KDM4C: variants seen among roughly 807,000 people sequenced by gnomAD.
KDM4C encodes lysine demethylase 4C, also known as lysine-specific demethylase 4C.
KDM4C carries 81 observed loss-of-function variants against 129.3 expected under a neutral mutation model. The observed-to-expected ratio is 0.63, with a 90% confidence interval of 0.52 to 0.75. The LOEUF is 0.75. Ranked by LOEUF, KDM4C falls within the 30% of genes least tolerant of loss-of-function variation. KDM4C has a pLI of 0.00. For synonymous variants in KDM4C, 573 were observed against 456.1 expected, an observed-to-expected ratio of 1.26 and a Z score of -3.26; for missense variants, 1,457 against 1,304.0, an observed-to-expected ratio of 1.12 and a Z score of -1.81.
chr9:7,122,239 C>CCA (rs147638679), intron 18 of KDM4C, among the ~76,000 whole-genome samples: 1,839 of 144,232 alleles, frequency 0.013, 12 homozygotes, highest in African/African-American at 0.015. Flanking sequence ...GTGGGAGATG[C>CCA]CACACACACA....
intron 19 of KDM4C, among the ~76,000 whole-genome samples, chr9:7,149,443 G>A (rs1226792332): frequency 1.3e-5 from 2 of 152,344 alleles, no homozygotes; most frequent in South Asian, 2.1e-4. Flanking sequence ...CTGGGCAGCT[G>A]CAGCTGCACC....
At chr9:6,892,950 TAATG>T (rs1846313584) in intron 7 of KDM4C, 141 bp from the exon 8 acceptor site, 1 of 508,330 alleles carries the variant, frequency 2.0e-6, no homozygotes, top group African/African-American at 2.0e-5. Flanking sequence ...AAGGATTAAG[TAATG>T]AATCTGGTGG....
chr9:7,130,268 G>A (rs1840472722), intron 19 of KDM4C, among the ~76,000 whole-genome samples: 1 of 152,168 alleles, frequency 6.6e-6, no homozygotes, highest in Non-Finnish European at 1.5e-5. Flanking sequence ...AAAACAGTGA[G>A]GTCTTTAGCC....
At chr9:6,850,623 G>A (rs938110321) in intron 5 of KDM4C, among the ~76,000 whole-genome samples, 5 of 151,988 alleles carry the variant, frequency 3.3e-5, no homozygotes, top group Non-Finnish European at 7.4e-5. Context: ...GTAGAGACAG[G>A]GTTTCACCAT....
chr9:7,006,578 G>C (rs948010926), intron 12 of KDM4C, among the ~76,000 whole-genome samples: 3 of 152,104 alleles, frequency 2.0e-5, no homozygotes, highest in Non-Finnish European at 2.9e-5. Flanking sequence ...AGGGTTGTAA[G>C]CAGGCTGTGA....
intron 12 of KDM4C, 34 bp downstream of exon 12, chr9:6,990,558 T>A (rs765427310): frequency 1.4e-6 from 2 of 1,455,478 alleles, no homozygotes; most frequent in Non-Finnish European, 1.9e-6. Flanking sequence ...ATTTTTTTTT[T>A]TTTTTTTGGT....
intron 8 of KDM4C, among the ~76,000 whole-genome samples, chr9:6,953,363 A>G (rs910597695): frequency 1.3e-5 from 2 of 152,196 alleles, no homozygotes; most frequent in African/African-American, 4.8e-5. Context: ...ATTTAAACAT[A>G]ATTTATTCTG....
intron 1 of KDM4C, among the ~76,000 whole-genome samples, chr9:6,732,919 A>T (rs991835427): frequency 1.3e-5 from 2 of 152,212 alleles, no homozygotes; most frequent in Non-Finnish European, 2.9e-5. Flanking sequence ...AGGCTGAGGC[A>T]GGAGAATAGC....
chr9:7,112,302 T>C (rs1227432995), intron 18 of KDM4C, among the ~76,000 whole-genome samples: 1 of 152,058 alleles, frequency 6.6e-6, no homozygotes, highest in Non-Finnish European at 1.5e-5. Flanking sequence ...GAGGTTTATG[T>C]GTGGGGCAGT....
At chr9:7,145,541 C>T (rs1842144133) in intron 19 of KDM4C, among the ~76,000 whole-genome samples, 1 of 152,224 alleles carries the variant, frequency 6.6e-6, no homozygotes, top group South Asian at 2.1e-4. Flanking sequence ...CACAGCCAGA[C>T]ATCTCCTCTG....
intron 1 of KDM4C, among the ~76,000 whole-genome samples, chr9:6,777,500 A>G (rs1440899389): frequency 6.6e-6 from 1 of 152,182 alleles, no homozygotes; most frequent in East Asian, 1.9e-4. Context: ...GCCTCATTTT[A>G]TCTTTTCTGT....
At chr9:7,051,791 T>G (rs1749785593) in intron 17 of KDM4C, among the ~76,000 whole-genome samples, 1 of 152,196 alleles carries the variant, frequency 6.6e-6, no homozygotes, top group Admixed American at 6.5e-5. Context: ...CATAATCAAT[T>G]TATTTCACCA....
chr9:6,835,339 A>C (rs1435744746), intron 4 of KDM4C: 8 of 985,958 alleles, frequency 8.1e-6, no homozygotes, highest in Non-Finnish European at 1.3e-5. Context: ...TTACGCCAAC[A>C]CATTGCTGTC....
chr9:6,725,281 C>A (rs775883244), intron 1 of KDM4C, among the ~76,000 whole-genome samples: 1 of 151,384 alleles, frequency 6.6e-6, no homozygotes, highest in African/African-American at 2.4e-5. Context: ...TAACTTGCAG[C>A]AACTGAGGGT....
intron 17 of KDM4C, among the ~76,000 whole-genome samples, chr9:7,059,845 TGTTA>T (rs1279845970): frequency 1.3e-5 from 2 of 152,166 alleles, no homozygotes; most frequent in Non-Finnish European, 2.9e-5. Context: ...GTAATGGGTT[TGTTA>T]TTTTTAAATG....
chr9:6,738,982 G>C (rs957207555), intron 1 of KDM4C, among the ~76,000 whole-genome samples: 1 of 151,652 alleles, frequency 6.6e-6, no homozygotes, highest in African/African-American at 2.4e-5. Flanking sequence ...TCCCACCTCA[G>C]CCTCCCACCT....
chr9:6,840,161 C>T (rs1284504479), intron 4 of KDM4C, among the ~76,000 whole-genome samples: 5 of 151,936 alleles, frequency 3.3e-5, no homozygotes, highest in Admixed American at 2.6e-4. Context: ...CAGCCTTGAC[C>T]TCCCAGGCTA....
chr9:7,120,064 T>A (rs182088939), intron 18 of KDM4C, among the ~76,000 whole-genome samples: 151 of 152,282 alleles, frequency 9.9e-4, no homozygotes, highest in African/African-American at 3.4e-3. Flanking sequence ...CCCATTCTAG[T>A]ATTGCTCTTC....
intron 15 of KDM4C, among the ~76,000 whole-genome samples, chr9:7,030,260 G>A (rs1826500906): frequency 6.6e-6 from 1 of 152,094 alleles, no homozygotes; most frequent in Non-Finnish European, 1.5e-5. Flanking sequence ...GTGGGTAAGA[G>A]AAATATAGAA....
Sources: allele counts gnomAD v4.1 joint callset (sites outside exome capture counted in the v4.1 genomes callset), GRCh38; gene constraint gnomAD v4.1.1; transcripts MANE v1.5; gene names NCBI Gene and HGNC (gene_info 2026-07-23, HGNC 2026-07-21).